Variants in FSTL5 observed in about 807,000 individuals in gnomAD.
FSTL5 encodes the protein follistatin-related protein 5.
A neutral mutation model predicts 89.1 loss-of-function variants in FSTL5; 62 were observed. The observed-to-expected ratio is 0.70, with a 90% CI of 0.57 to 0.86. The LOEUF is 0.86. Ranked by LOEUF, FSTL5 falls within the 40% of genes least tolerant of loss-of-function variation. The pLI is 0.00. For synonymous variants in FSTL5, 383 were observed against 346.2 expected, an observed-to-expected ratio of 1.11 and a Z score of -1.18; for missense variants, 1,057 against 1,001.6, an observed-to-expected ratio of 1.06 and a Z score of -0.75.
chr4:162,107,728 A>C (rs1026657959), intron 2 of FSTL5, among the ~76,000 whole-genome samples: 2 of 152,102 alleles, frequency 1.3e-5, no homozygotes, highest in Non-Finnish European at 2.9e-5. Flanking sequence ...ATTTCTCCTG[A>C]GGTCAATGTC....
At chr4:161,572,592 T>C (rs1301387316) in intron 8 of FSTL5, among the ~76,000 whole-genome samples, 1 of 152,070 alleles carries the variant, frequency 6.6e-6, no homozygotes, top group Non-Finnish European at 1.5e-5. Flanking sequence ...TACCAGAAAA[T>C]AAGATTACTT....
intron 3 of FSTL5, among the ~76,000 whole-genome samples, chr4:161,988,052 C>T (rs1339508695): frequency 1.4e-5 from 2 of 144,038 alleles, no homozygotes; most frequent in African/African-American, 5.3e-5. Flanking sequence ...AATGATTGGA[C>T]TAAAAAAACC....
chr4:161,441,053 T>C lies in FSTL5; in HGVS notation c.1841+13951A>G, dbSNP rs541332314. ...CCTCCAGCATTCCATTTAATAGTCA[T>C]TTATTTAGAAACCTTCCATATCATC... On this transcript the variant is annotated intron_variant, in intron 15 of 15. Transcript: ENST00000306100. 3.9e-5 allele frequency among the ~76,000 whole-genome samples: 6 copies of C among 152,280 alleles called. No individual in the cohort carries two copies. In the South Asian group the frequency reaches 1.2e-3, roughly 32 times the overall value.
chr4:161,525,405 T>C (rs1242747003), intron 10 of FSTL5, among the ~76,000 whole-genome samples: 1 of 152,164 alleles, frequency 6.6e-6, no homozygotes, highest in African/African-American at 2.4e-5. Context: ...TCTTTTCTAA[T>C]GTACAATTAA....
At chr4:162,133,080 G>A (rs959980558) in intron 1 of FSTL5, among the ~76,000 whole-genome samples, 2 of 152,040 alleles carry the variant, frequency 1.3e-5, no homozygotes, top group African/African-American at 4.8e-5. Flanking sequence ...CTGAGTAGCT[G>A]GGACTACAGG....
intron 7 of FSTL5, among the ~76,000 whole-genome samples, chr4:161,635,419 C>T (rs993682434): frequency 3.3e-5 from 5 of 151,814 alleles, no homozygotes; most frequent in African/African-American, 1.2e-4. Flanking sequence ...TTATATCTAC[C>T]TGCTATACAA....
chr4:161,965,845 G>A (rs1458267986), intron 3 of FSTL5, among the ~76,000 whole-genome samples: 1 of 151,894 alleles, frequency 6.6e-6, no homozygotes, highest in Non-Finnish European at 1.5e-5. Flanking sequence ...AAATTCCTTG[G>A]AATTTTTCTC....
rs147097150 is a variant in FSTL5 at position 161,954,426 on chromosome 4, A to T, written c.161-33774T>A. ...TTTGCTATATATAATTAGCACAGATAATTTTATGAACTAGTTGGAAATTAG... is the reference window on the plus strand; with the variant it reads ...TTTGCTATATATAATTAGCACAGATTATTTTATGAACTAGTTGGAAATTAG... On this transcript the variant is annotated intron_variant, in intron 3 of 15. Transcript: ENST00000306100. 7.5e-3 allele frequency among the ~76,000 whole-genome samples: 1,140 copies of T among 151,758 alleles called. 11 individuals are homozygous for T. Among genetic ancestry groups the T allele is most frequent in the Admixed American group, 0.031 (473 of 15,216 alleles).
At chr4:161,581,731 C>T (rs979976528) in intron 8 of FSTL5, among the ~76,000 whole-genome samples, 1 of 152,208 alleles carries the variant, frequency 6.6e-6, no homozygotes, top group Non-Finnish European at 1.5e-5. Flanking sequence ...ACAACAACCA[C>T]TTTATGCAGA....
chr4:161,403,710 G>A (rs9998941), intron 15 of FSTL5, among the ~76,000 whole-genome samples: 41,723 of 152,078 alleles, frequency 0.27, 5,922 homozygotes, highest in East Asian at 0.46. Flanking sequence ...CAAAAATATG[G>A]TTAAAGCAAA....
At chr4:161,558,742 A>T (rs545428778) in intron 8 of FSTL5, among the ~76,000 whole-genome samples, 1 of 151,988 alleles carries the variant, frequency 6.6e-6, no homozygotes, top group African/African-American at 2.4e-5. Flanking sequence ...TAAAAATAGC[A>T]TGCTTCCTAT....
intron 4 of FSTL5, among the ~76,000 whole-genome samples, chr4:161,810,969 C>T (rs536614020): frequency 3.3e-5 from 5 of 152,126 alleles, no homozygotes; most frequent in South Asian, 4.1e-4. Flanking sequence ...GCGTCAGCCT[C>T]GCCTTAAATG....
intron 13 of FSTL5, among the ~76,000 whole-genome samples, chr4:161,460,397 C>T (rs1185133131): frequency 2.3e-5 from 2 of 86,908 alleles, no homozygotes; most frequent in African/African-American, 3.4e-5. Flanking sequence ...CCTCCCCCCA[C>T]CTCACAACAG....
At chr4:161,907,349 T>C (rs1733566979) in intron 4 of FSTL5, among the ~76,000 whole-genome samples, 1 of 152,076 alleles carries the variant, frequency 6.6e-6, no homozygotes, top group Non-Finnish European at 1.5e-5. Flanking sequence ...TACAGGGAAT[T>C]AACACACACG....
At chr4:161,541,521 G>A (rs561938443) in intron 9 of FSTL5, among the ~76,000 whole-genome samples, 10 of 151,932 alleles carry the variant, frequency 6.6e-5, no homozygotes, top group Non-Finnish European at 1.5e-4. Flanking sequence ...TCTGACCTAC[G>A]TATGCACATT....
chr4:162,004,292 TAAC>T (rs771280208), intron 3 of FSTL5, among the ~76,000 whole-genome samples: 1 of 152,192 alleles, frequency 6.6e-6, no homozygotes, highest in Non-Finnish European at 1.5e-5. Context: ...TAGCTATTCT[TAAC>T]TACTTTCTTT....
chr4:161,449,931 A>G (rs1733104638), intron 15 of FSTL5, among the ~76,000 whole-genome samples: 1 of 152,144 alleles, frequency 6.6e-6, no homozygotes, highest in Non-Finnish European at 1.5e-5. Flanking sequence ...AAGCTCTAGG[A>G]AAGACTTCTG....
At chr4:161,428,342 A>T (rs1320220682) in intron 15 of FSTL5, among the ~76,000 whole-genome samples, 1 of 152,218 alleles carries the variant, frequency 6.6e-6, no homozygotes, top group Non-Finnish European at 1.5e-5. Context: ...TTGGGCTCAG[A>T]GCCAGCAGAA....
chr4:161,815,783 A>G (rs527754349), intron 4 of FSTL5, among the ~76,000 whole-genome samples: 126 of 152,276 alleles, frequency 8.3e-4, no homozygotes, highest in African/African-American at 2.9e-3. Context: ...TATATTTTCT[A>G]TATGTATAAT....
Sources: allele counts gnomAD v4.1 joint callset (sites outside exome capture counted in the v4.1 genomes callset), GRCh38; gene constraint gnomAD v4.1.1; transcripts MANE v1.5; gene names NCBI Gene and HGNC (gene_info 2026-07-23, HGNC 2026-07-21).